Variants in PTPRD observed in about 807,000 individuals in gnomAD.
PTPRD encodes protein tyrosine phosphatase receptor type D, also known as receptor-type tyrosine-protein phosphatase delta.
Under a neutral mutation model 214.5 loss-of-function variants are expected in PTPRD, and 34 were observed. The observed-to-expected ratio is 0.16, with a 90% CI of 0.12 to 0.21. The LOEUF (loss-of-function observed/expected upper bound fraction) is 0.21, where lower values mean the gene tolerates loss of function less well. Among genes scored for constraint, PTPRD ranks in the 10% least tolerant of loss-of-function variants. The pLI is 1.00. For synonymous variants in PTPRD, 1,128 were observed against 845.7 expected (o/e 1.33, Z -5.79); for missense variants, 2,545 against 2,398.7 (o/e 1.06, Z -1.27).
At chr9:9,444,543 A>C (rs1245508968) in intron 8 of PTPRD, among the ~76,000 whole-genome samples, 1 of 152,194 alleles carries the variant, frequency 6.6e-6, no homozygotes, top group African/African-American at 2.4e-5. Flanking sequence ...CCAGTGCTCT[A>C]ATAAACACAG....
At chr9:8,790,635 A>C (rs2096191336) in intron 11 of PTPRD, among the ~76,000 whole-genome samples, 1 of 152,176 alleles carries the variant, frequency 6.6e-6, no homozygotes, top group Non-Finnish European at 1.5e-5. Flanking sequence ...AATACTTGTT[A>C]AGCATGTATG....
chr9:9,760,994 G>C (rs1412880372), intron 6 of PTPRD, among the ~76,000 whole-genome samples: 1 of 152,138 alleles, frequency 6.6e-6, no homozygotes, highest in Non-Finnish European at 1.5e-5. Flanking sequence ...CAGTTGGGCA[G>C]TTTCTTATAA....
chr9:9,410,141 G>A (rs903007447), intron 8 of PTPRD, among the ~76,000 whole-genome samples: 6 of 152,134 alleles, frequency 3.9e-5, no homozygotes, highest in Non-Finnish European at 5.9e-5. Flanking sequence ...AGCATCAGTT[G>A]CTTAGATAAG....
chr9:8,633,600 G>A (rs891256782), intron 13 of PTPRD, 142 bp from the exon 14 acceptor site: 4 of 935,994 alleles, frequency 4.3e-6, no homozygotes, highest in Non-Finnish European at 6.2e-6. Context: ...ATATAGTGGT[G>A]AAAAAATATT....
chr9:8,464,830 T>A (rs898066314), intron 32 of PTPRD, among the ~76,000 whole-genome samples: 8 of 151,854 alleles, frequency 5.3e-5, no homozygotes, highest in African/African-American at 1.9e-4. Context: ...CTCTCTTTTA[T>A]TAAATTATTT....
At chr9:9,469,731 A>T (rs1288073111) in intron 8 of PTPRD, among the ~76,000 whole-genome samples, 1 of 152,162 alleles carries the variant, frequency 6.6e-6, no homozygotes, top group Non-Finnish European at 1.5e-5. Context: ...AGTTTTTAAA[A>T]TGCCTGAATC....
intron 11 of PTPRD, among the ~76,000 whole-genome samples, chr9:8,926,541 T>C (rs770284914): frequency 6.6e-5 from 10 of 152,148 alleles, no homozygotes; most frequent in Non-Finnish European, 1.5e-5. Flanking sequence ...GAAAATTTCT[T>C]ATTCACAGAG....
chr9:9,240,705 G>T (rs1405385747), intron 9 of PTPRD, among the ~76,000 whole-genome samples: 1 of 152,072 alleles, frequency 6.6e-6, no homozygotes, highest in East Asian at 1.9e-4. Context: ...TATATTTACA[G>T]GTATGGTAGT....
chr9:8,392,861 A>T (rs980706260), intron 36 of PTPRD, among the ~76,000 whole-genome samples: 8 of 152,136 alleles, frequency 5.3e-5, no homozygotes, highest in African/African-American at 1.7e-4. Context: ...CACACTGTGC[A>T]GAAAGATGAA....
intron 14 of PTPRD, among the ~76,000 whole-genome samples, chr9:8,592,502 A>G (rs561152004): frequency 6.6e-6 from 1 of 152,144 alleles, no homozygotes; most frequent in Non-Finnish European, 1.5e-5. Flanking sequence ...GCAGAGTAGA[A>G]ATTCCAAGGA....
At chr9:9,337,605 A>G (rs890865012) in intron 9 of PTPRD, among the ~76,000 whole-genome samples, 1 of 152,198 alleles carries the variant, frequency 6.6e-6, no homozygotes, top group African/African-American at 2.4e-5. Context: ...AGTGATGGAC[A>G]ACCTGACAAA....
intron 4 of PTPRD, among the ~76,000 whole-genome samples, chr9:9,972,565 T>A (rs1320475142): frequency 6.6e-6 from 1 of 152,188 alleles, no homozygotes; most frequent in African/African-American, 2.4e-5. Flanking sequence ...CCATAATACA[T>A]TATATACACA....
chr9:8,482,107 G>A (rs776622821), intron 30 of PTPRD, among the ~76,000 whole-genome samples: 2 of 152,004 alleles, frequency 1.3e-5, no homozygotes, highest in Admixed American at 6.5e-5. Context: ...ACTTCTCTAA[G>A]CCCACACTTC....
intron 8 of PTPRD, among the ~76,000 whole-genome samples, chr9:9,522,516 A>G (rs1391430168): frequency 6.6e-6 from 1 of 152,130 alleles, no homozygotes; most frequent in African/African-American, 2.4e-5. Context: ...AAAGCTTTAA[A>G]TTACCTTTCA....
chr9:9,542,259 A>T (rs1353955950), intron 8 of PTPRD, among the ~76,000 whole-genome samples: 3 of 151,932 alleles, frequency 2.0e-5, no homozygotes, highest in South Asian at 4.1e-4. Flanking sequence ...AAATTGGGTA[A>T]TTTAGGTGAC....
At chr9:10,355,793 T>A (rs1276930887) in intron 2 of PTPRD, among the ~76,000 whole-genome samples, 2 of 152,020 alleles carry the variant, frequency 1.3e-5, no homozygotes, top group Non-Finnish European at 2.9e-5. Context: ...TATATTTCAA[T>A]CCTTTAAATA....
chr9:8,818,889 C>T (rs2096979771), intron 11 of PTPRD, among the ~76,000 whole-genome samples: 2 of 152,186 alleles, frequency 1.3e-5, no homozygotes, highest in Admixed American at 1.3e-4. Flanking sequence ...CAGATTTAAA[C>T]AATTACTCCC....
intron 3 of PTPRD, among the ~76,000 whole-genome samples, chr9:10,208,317 A>G (rs2099495186): frequency 6.6e-6 from 1 of 152,214 alleles, no homozygotes; most frequent in African/African-American, 2.4e-5. Context: ...GATCGACGCC[A>G]TCCTGGCTAA....
At chr9:9,662,050 A>G (rs1165283524) in intron 7 of PTPRD, among the ~76,000 whole-genome samples, 3 of 151,762 alleles carry the variant, frequency 2.0e-5, no homozygotes, top group Non-Finnish European at 4.4e-5. Flanking sequence ...AAAGTATATC[A>G]ATGCCAAGTT....
Sources: gnomAD v4.1 joint callset for allele counts (sites outside exome capture counted in the v4.1 genomes callset) on GRCh38, gnomAD v4.1.1 for gene constraint, MANE v1.5 for transcripts, NCBI Gene and HGNC (gene_info 2026-07-23, HGNC 2026-07-21) for gene names.